Variants in SPDYA observed in about 807,000 individuals in gnomAD.
SPDYA encodes the protein speedy protein A.
A neutral mutation model predicts 36.7 loss-of-function variants in SPDYA; 11 were observed. That is an observed-to-expected ratio of 0.30 (90% CI 0.19 to 0.50). The LOEUF is 0.50. Ranked by LOEUF, SPDYA falls within the 20% of genes least tolerant of loss-of-function variation. The pLI, the probability that SPDYA is intolerant of heterozygous loss-of-function variation, is 0.98. For synonymous variants in SPDYA, 115 were observed against 118.7 expected, an observed-to-expected ratio of 0.97 and a Z score of 0.20; for missense variants, 287 against 370.9, an observed-to-expected ratio of 0.77 and a Z score of 1.86.
intron 6 of SPDYA, among the ~76,000 whole-genome samples, chr2:28,830,989 C>G (rs1218068736): frequency 2.6e-5 from 4 of 152,104 alleles, no homozygotes; most frequent in African/African-American, 9.7e-5. Flanking sequence ...ATAGAATTAA[C>G]TTATTCATTA....
At position 28,812,857 on chromosome 2, in the gene SPDYA, CA is replaced by C. The variant is rs70956047; in HGVS notation, c.-92-1734del. On this transcript the variant is annotated intron_variant, in intron 1 of 7. Transcript: ENST00000334056. ...GGGCGACAAGAGCGAAACTCCGTCT[CA>C]AAAAAAAAAAAAAAAAAAAAATTAA... Among the ~76,000 whole-genome samples, 158 of 84,022 alleles carry C rather than the reference CA, an allele frequency of 1.9e-3. 1 individual carries two copies. The highest frequency in any genetic ancestry group is 6.5e-3 in the East Asian group (16 of 2,478). 55.1% of individuals were successfully genotyped at this position (84,022 alleles called of 152,430 possible).
intron 1 of SPDYA, among the ~76,000 whole-genome samples, chr2:28,812,647 A>G (rs544232615): frequency 1.1e-3 from 167 of 152,150 alleles, no homozygotes; most frequent in Non-Finnish European, 1.6e-3. Context: ...ACCTCAGGTC[A>G]GGAGTTGGAG....
intron 5 of SPDYA, among the ~76,000 whole-genome samples, chr2:28,825,459 A>C (rs551845914): frequency 1.3e-5 from 2 of 152,146 alleles, no homozygotes; most frequent in African/African-American, 2.4e-5. Flanking sequence ...CCATTTTAAG[A>C]CTAATCATAC....
At chr2:28,840,690 G>A in intron 7 of SPDYA, 1 of 1,283,160 alleles carries the variant, frequency 7.8e-7, no homozygotes, top group Non-Finnish European at 9.8e-7. Context: ...ATGTTAAGTT[G>A]AAAACTAATG....
intron 7 of SPDYA, chr2:28,840,691 A>G: frequency 7.8e-7 from 1 of 1,284,658 alleles, no homozygotes. Flanking sequence ...TGTTAAGTTG[A>G]AAACTAATGC....
intron 5 of SPDYA, among the ~76,000 whole-genome samples, chr2:28,827,287 C>T (rs1045191432): frequency 3.3e-5 from 5 of 151,026 alleles, no homozygotes; most frequent in Non-Finnish European, 7.4e-5. Flanking sequence ...CATTTTAGAT[C>T]ATTTATTTAG....
Position 28,849,953 on chromosome 2 carries a change from TA to T in SPDYA, c.*15del. 6.4e-7 allele frequency: 1 copy of T among 1,556,122 alleles called. No homozygotes were observed. Among genetic ancestry groups the T allele is most frequent in the Non-Finnish European group, 8.7e-7 (1 of 1,145,510 alleles). On this transcript the variant is annotated 3_prime_UTR_variant, in exon 8 of 8. Coordinates refer to ENST00000334056, the MANE Select transcript of SPDYA (RefSeq NM_182756.4). ...GAAGTGAAGAATGAGATGGCCCAAC[TA>T]AACCAATTTGGAATCATTAACTACA...
chr2:28,824,008 A>C (rs980870316), intron 5 of SPDYA, among the ~76,000 whole-genome samples: 4 of 151,026 alleles, frequency 2.6e-5, no homozygotes, highest in Non-Finnish European at 4.4e-5. Context: ...CAGCCTCCCA[A>C]AGTGCTAGGA....
chr2:28,811,938 G>A lies in SPDYA; in HGVS notation c.-93+991G>A, dbSNP rs1177822164. Among the ~76,000 whole-genome samples, 1 of 152,130 alleles carries A rather than the reference G, an allele frequency of 6.6e-6. No homozygotes were observed. Among genetic ancestry groups the A allele is most frequent in the East Asian group, 1.9e-4 (1 of 5,194 alleles). On this transcript the variant is annotated intron_variant, in intron 1 of 7. Coordinates refer to ENST00000334056, the MANE Select transcript of SPDYA (RefSeq NM_182756.4). The surrounding 1 kb of genome is among the most constrained non-coding windows in gnomAD (Gnocchi z 4.2). ...CTTATAGCTGGGGTTAGCTGGTTTT[G>A]TTTTCTTGGCAAGGTGACGATAAGT...
At chr2:28,818,476 G>A (rs1327746823) in intron 3 of SPDYA, among the ~76,000 whole-genome samples, 1 of 150,486 alleles carries the variant, frequency 6.6e-6, no homozygotes, top group Non-Finnish European at 1.5e-5. Flanking sequence ...AAGAGAGAAA[G>A]GGGGAATGGA....
chr2:28,829,226 G>C lies in SPDYA; in HGVS notation c.459G>C (p.Trp153Cys). 1 of 1,613,988 alleles carries C rather than the reference G, an allele frequency of 6.2e-7. No homozygotes were observed. The highest frequency in any genetic ancestry group is 1.3e-5 in the African/African-American group (1 of 75,026). Residue 153 changes from tryptophan (W) to cysteine (C), a missense_variant, in exon 6 of 8, where the codon TGG becomes TGC. Trp to Cys is a radical substitution (Grantham distance 215). Transcript: ENST00000334056. The part of the protein sequence containing the change: ...EIFPWALGKN[W>C]RKLFPNFLKL... The stretch of plus-strand genomic sequence containing the variant: ...TTCCATGGGCTTTAGGGAAAAACTG[G>C]AGAAAATTGTTCCCTAATTTCTTAA...
At chr2:28,820,275 A>G (rs1011286486) in intron 4 of SPDYA, among the ~76,000 whole-genome samples, 11 of 152,014 alleles carry the variant, frequency 7.2e-5, no homozygotes, top group African/African-American at 2.4e-4. Flanking sequence ...CGATGTTTCT[A>G]TATTCTTTAG....
intron 4 of SPDYA, among the ~76,000 whole-genome samples, chr2:28,821,383 G>A (rs1029001954): frequency 6.6e-6 from 1 of 151,848 alleles, no homozygotes; most frequent in Non-Finnish European, 1.5e-5. Flanking sequence ...TGTATTTTTA[G>A]TAGAGATGGG....
intron 6 of SPDYA, among the ~76,000 whole-genome samples, chr2:28,833,224 T>A (rs1668518224): frequency 6.6e-6 from 1 of 152,134 alleles, no homozygotes; most frequent in African/African-American, 2.4e-5. Context: ...TCCAGTGTCT[T>A]CCAGCCTTAC....
chr2:28,827,299 CTT>C (rs148397683), intron 5 of SPDYA, among the ~76,000 whole-genome samples: 11,049 of 152,094 alleles, frequency 0.073, 415 homozygotes, highest in Non-Finnish European at 0.077. Flanking sequence ...TTTATTTAGA[CTT>C]ATCTCTCAGT....
chr2:28,834,573 C>G (rs1054830455), intron 6 of SPDYA, among the ~76,000 whole-genome samples: 6 of 152,162 alleles, frequency 3.9e-5, no homozygotes, highest in African/African-American at 7.2e-5. Context: ...CAAGCTACAA[C>G]GCAGATAACC....
rs1345922796 is a variant in SPDYA at position 28,850,078 on chromosome 2, A to G, written c.*137A>G. ...AGTTGTTATTTTCAAAATTATATGT[A>G]TAAGTTATATAAGTCATAGTAATAG... On this transcript the variant is annotated 3_prime_UTR_variant, in exon 8 of 8. Coordinates refer to ENST00000334056, the MANE Select transcript of SPDYA (RefSeq NM_182756.4). 14 of 1,145,110 alleles carry G rather than the reference A, an allele frequency of 1.2e-5. No individual in the cohort carries two copies. Among genetic ancestry groups the G allele is most frequent in the East Asian group, 7.5e-5 (3 of 39,998 alleles). 70.9% of individuals were successfully genotyped at this position (1,145,110 alleles called of 1,614,324 possible).
chr2:28,830,568 G>A (rs1668457336), intron 6 of SPDYA, among the ~76,000 whole-genome samples: 1 of 151,910 alleles, frequency 6.6e-6, no homozygotes, highest in Non-Finnish European at 1.5e-5. Context: ...ATTGAAAAAG[G>A]GTGATATGAA....
chr2:28,813,508 C>T lies in SPDYA; in HGVS notation c.-92-1105C>T, dbSNP rs754942347. Among the ~76,000 whole-genome samples the T allele has an allele frequency of 9.2e-5, 14 of 152,000 alleles. No homozygotes were observed. In the East Asian group the frequency reaches 9.6e-4, roughly 10 times the overall value. ...GTACTATACCACTGATAACTCCATACTAGAATTTGAGAATCCTGAGTACTC... is the reference window on the plus strand; with the variant it reads ...GTACTATACCACTGATAACTCCATATTAGAATTTGAGAATCCTGAGTACTC... On this transcript the variant is annotated intron_variant, in intron 1 of 7. Coordinates refer to ENST00000334056, the MANE Select transcript of SPDYA (RefSeq NM_182756.4).
Sources: gnomAD v4.1 joint callset for allele counts (sites outside exome capture counted in the v4.1 genomes callset) on GRCh38, gnomAD v4.1.1 for gene constraint, Gnocchi (gnomAD v3.1) non-coding constraint, MANE v1.5 for transcripts, NCBI Gene and HGNC (gene_info 2026-07-23, HGNC 2026-07-21) for gene names.